AVL9: variants seen among roughly 807,000 people sequenced by gnomAD.
The protein encoded by AVL9 is AVL9 cell migration associated.
In AVL9, 49 loss-of-function variants were observed where a neutral mutation model predicts 79.2. That is an observed-to-expected ratio of 0.62 (90% CI 0.49 to 0.79). The LOEUF (loss-of-function observed/expected upper bound fraction) is 0.79, where lower values mean the gene tolerates loss of function less well. Ranked by LOEUF, AVL9 falls within the 30% of genes least tolerant of loss-of-function variation. The pLI is 0.00. For missense variants in AVL9, 682 were observed against 776.8 expected (o/e 0.88, Z 1.45); for synonymous variants, 299 against 280.6 (o/e 1.07, Z -0.65).
At chr7:32,527,167 G>A (rs945153071) in intron 1 of AVL9, among the ~76,000 whole-genome samples, 3 of 152,056 alleles carry the variant, frequency 2.0e-5, no homozygotes, top group African/African-American at 7.2e-5. Flanking sequence ...ATAAAACAAG[G>A]GACTTTGCCT....
At chr7:32,559,991 C>T (rs1284018780) in intron 10 of AVL9, 1 of 152,078 alleles carries the variant, frequency 6.6e-6, no homozygotes, top group Non-Finnish European at 1.5e-5. Context: ...AGGCCGGGCA[C>T]AGTAGCTCAT....
At chr7:32,507,694 C>T (rs1787468157) in intron 1 of AVL9, among the ~76,000 whole-genome samples, 1 of 152,132 alleles carries the variant, frequency 6.6e-6, no homozygotes, top group East Asian at 1.9e-4. Flanking sequence ...ACAAATAATG[C>T]CATCATGAGC....
chr7:32,548,144 C>CTCTCTTTTTTTTTT (rs1227025763), intron 3 of AVL9, among the ~76,000 whole-genome samples: 4 of 57,598 alleles, frequency 6.9e-5, no homozygotes, highest in African/African-American at 2.2e-4. Flanking sequence ...TTTGTCATCT[C>CTCTCTTTTTTTTTT]TTTTTTCTTT....
chr7:32,505,596 T>C (rs1040550633), intron 1 of AVL9, among the ~76,000 whole-genome samples: 5 of 152,218 alleles, frequency 3.3e-5, no homozygotes, highest in African/African-American at 1.2e-4. Flanking sequence ...TTTAGTACTT[T>C]TGAAAGAGGC....
At chr7:32,504,500 A>G (rs759023606) in intron 1 of AVL9, among the ~76,000 whole-genome samples, 10 of 152,098 alleles carry the variant, frequency 6.6e-5, no homozygotes, top group Non-Finnish European at 1.2e-4. Context: ...CTTTTACCAT[A>G]TGAGAATCAA....
intron 15 of AVL9, among the ~76,000 whole-genome samples, chr7:32,583,032 G>A (rs148876117): frequency 1.3e-5 from 2 of 152,264 alleles, no homozygotes; most frequent in Non-Finnish European, 2.9e-5. Context: ...TAGACCTGGG[G>A]CAGATAGAGC....
At chr7:32,511,058 G>A (rs1787648892) in intron 1 of AVL9, among the ~76,000 whole-genome samples, 1 of 138,762 alleles carries the variant, frequency 7.2e-6, no homozygotes. Context: ...TCTGGTTGTG[G>A]GAGTCCACAG....
At chr7:32,549,792 C>A (rs1789717452) in intron 4 of AVL9, among the ~76,000 whole-genome samples, 1 of 151,320 alleles carries the variant, frequency 6.6e-6, no homozygotes, top group Non-Finnish European at 1.5e-5. Flanking sequence ...CGGTGGTGCA[C>A]CCCTCTAATC....
At chr7:32,515,118 A>G (rs905054412) in intron 1 of AVL9, among the ~76,000 whole-genome samples, 5 of 152,222 alleles carry the variant, frequency 3.3e-5, no homozygotes, top group Non-Finnish European at 5.9e-5. Flanking sequence ...TTATGTCTCC[A>G]TAAAATGTAT....
intron 13 of AVL9, among the ~76,000 whole-genome samples, chr7:32,579,322 T>C (rs1479591483): frequency 2.5e-5 from 1 of 39,774 alleles, no homozygotes; most frequent in African/African-American, 7.9e-5. Flanking sequence ...TATATATATT[T>C]TATATAATAT....
chr7:32,580,984 A>G, intron 15 of AVL9, 94 bp downstream of exon 15: 1 of 1,026,520 alleles, frequency 9.7e-7, no homozygotes, highest in Non-Finnish European at 1.5e-6. Flanking sequence ...ATAAAGTTGT[A>G]AAGATCTGTG....
At chr7:32,510,124 C>T (rs1787593887) in intron 1 of AVL9, among the ~76,000 whole-genome samples, 1 of 151,770 alleles carries the variant, frequency 6.6e-6, no homozygotes, top group Non-Finnish European at 1.5e-5. Flanking sequence ...GGTGAGCCAT[C>T]AGGTCTGGTG....
chr7:32,582,712 G>A (rs1204851600), intron 15 of AVL9, among the ~76,000 whole-genome samples: 1 of 151,964 alleles, frequency 6.6e-6, no homozygotes, highest in South Asian at 2.1e-4. Flanking sequence ...CTGAGACAGG[G>A]TCTCACTCTG....
intron 12 of AVL9, among the ~76,000 whole-genome samples, chr7:32,574,863 A>G (rs995073689): frequency 2.6e-5 from 4 of 152,220 alleles, no homozygotes; most frequent in African/African-American, 9.6e-5. Context: ...TATGCTGTGT[A>G]TGGAACTGTG....
chr7:32,505,772 G>GT (rs935918565), intron 1 of AVL9, among the ~76,000 whole-genome samples: 7 of 152,044 alleles, frequency 4.6e-5, no homozygotes, highest in Admixed American at 3.3e-4. Flanking sequence ...TAGCTCTGCT[G>GT]TTTTTTTATA....
chr7:32,497,291 G>T (rs1368853827), intron 1 of AVL9, among the ~76,000 whole-genome samples: 1 of 152,200 alleles, frequency 6.6e-6, no homozygotes, highest in Admixed American at 6.5e-5. Flanking sequence ...GGAGGCAGAG[G>T]TTGCTGTGAG....
intron 2 of AVL9, among the ~76,000 whole-genome samples, chr7:32,543,604 T>C (rs929646766): frequency 6.6e-6 from 1 of 152,238 alleles, no homozygotes; most frequent in Admixed American, 6.5e-5. Context: ...CTTGGGACTC[T>C]AGCTGCATAC....
intron 1 of AVL9, among the ~76,000 whole-genome samples, chr7:32,504,354 T>A (rs1787316070): frequency 6.6e-6 from 1 of 152,244 alleles, no homozygotes; most frequent in Non-Finnish European, 1.5e-5. Flanking sequence ...ATTTATATCA[T>A]CTCATTCAGA....
rs766744762 is a variant in AVL9, at chr7:32,558,556, C to T, written c.610-3C>T. On this transcript the variant is annotated splice_region_variant and splice_polypyrimidine_tract_variant and intron_variant, in intron 8 of 15. Transcript: ENST00000318709. ...AATTTGATTTTGATTGACTCCATTC[C>T]AGGTTCTTTTTTATATTTCTCCAGT... 8 of 1,605,916 alleles carry T rather than the reference C, an allele frequency of 5.0e-6. No homozygotes were observed. The highest frequency in any genetic ancestry group is 4.5e-5 in the South Asian group (4 of 89,828).
Sources: allele counts gnomAD v4.1 joint callset (sites outside exome capture counted in the v4.1 genomes callset), GRCh38; gene constraint gnomAD v4.1.1; transcripts MANE v1.5; gene names NCBI Gene and HGNC (gene_info 2026-07-23, HGNC 2026-07-21).